U2SURP: variants seen among roughly 807,000 people sequenced by gnomAD.
U2SURP encodes U2 snRNP associated SURP domain containing.
In U2SURP, 9 loss-of-function variants were observed where a neutral mutation model predicts 144.9. That is an observed-to-expected ratio of 0.06 (90% CI 0.04 to 0.11). The LOEUF (loss-of-function observed/expected upper bound fraction) is 0.11, where lower values mean the gene tolerates loss of function less well. Ranked by LOEUF, U2SURP falls within the 10% of genes least tolerant of loss-of-function variation. The probability of loss-of-function intolerance (pLI) is 1.00; values close to 1 mark genes in which losing one functional copy is unlikely to be tolerated. For missense variants in U2SURP, 724 were observed against 1,226.7 expected, an observed-to-expected ratio of 0.59 and a Z score of 6.12; for synonymous variants, 408 against 396.8, an observed-to-expected ratio of 1.03 and a Z score of -0.33.
chr3:143,039,037 A>T, intron 23 of U2SURP, 77 bp downstream of exon 23: 1 of 1,061,110 alleles, frequency 9.4e-7, no homozygotes, highest in Non-Finnish European at 1.3e-6. Context: ...TAGTTGAAAT[A>T]ATAGTGAAGT....
rs1171287198 is a variant in U2SURP at position 143,056,700 on chromosome 3, A to G, written c.*250A>G. 2 of 386,752 alleles carry G rather than the reference A, an allele frequency of 5.2e-6. No homozygotes were observed. The highest frequency in any genetic ancestry group is 4.0e-5 in the African/African-American group (2 of 49,800). 24.0% of individuals were successfully genotyped at this position (386,752 alleles called of 1,614,324 possible). A position where few individuals can be genotyped will look rare whatever the true frequency, so the allele number is the denominator to read the frequency against. On this transcript the variant is annotated 3_prime_UTR_variant, in exon 28 of 28. Coordinates refer to ENST00000473835, the MANE Select transcript of U2SURP (RefSeq NM_001080415.2). Reference sequence around the variant, plus strand: ...TTATTGTTCTAATGGATTTCATCAGAAATGTGTATAATGGATCTGCTGACA... The same window carrying G: ...TTATTGTTCTAATGGATTTCATCAGGAATGTGTATAATGGATCTGCTGACA...
intron 24 of U2SURP, among the ~76,000 whole-genome samples, chr3:143,045,065 T>A (rs1477452693): frequency 1.3e-5 from 2 of 152,160 alleles, no homozygotes; most frequent in Non-Finnish European, 2.9e-5. Flanking sequence ...TTTACTCCTC[T>A]CACCTTATAA....
At chr3:143,027,462 C>T (rs77233342) in intron 14 of U2SURP, among the ~76,000 whole-genome samples, 2,999 of 152,228 alleles carry the variant, frequency 0.02, 101 homozygotes, top group African/African-American at 0.068. Context: ...CCGTTAGCCC[C>T]GGCAACTGCC....
chr3:143,018,288 GTA>G (rs1245998522), intron 6 of U2SURP, among the ~76,000 whole-genome samples: 1 of 151,600 alleles, frequency 6.6e-6, no homozygotes, highest in Non-Finnish European at 1.5e-5. Flanking sequence ...TTTATGGATG[GTA>G]TTATATAACG....
chr3:143,054,939 A>G lies in U2SURP; in HGVS notation c.2775-4A>G. 2 of 1,586,348 alleles carry G rather than the reference A, an allele frequency of 1.3e-6. No individual in the cohort carries two copies. The highest frequency in any genetic ancestry group is 1.4e-5 in the African/African-American group (1 of 73,588). ...TGGAATGTTTTGGGGGCTTTGTTCC[A>G]TAGGAAGAGGCGACACAGTACATCC... On this transcript the variant is annotated splice_polypyrimidine_tract_variant and splice_region_variant and intron_variant, in intron 26 of 27. Coordinates refer to ENST00000473835, the MANE Select transcript of U2SURP (RefSeq NM_001080415.2).
At chr3:143,051,515 T>C (rs1339766441) in intron 25 of U2SURP, among the ~76,000 whole-genome samples, 1 of 150,686 alleles carries the variant, frequency 6.6e-6, no homozygotes, top group African/African-American at 2.5e-5. Flanking sequence ...TGAGGGACTT[T>C]ATATTCTCGT....
rs1935252119 is a variant in U2SURP at position 143,058,570 on chromosome 3, A to G, written c.*2120A>G. On this transcript the variant is annotated 3_prime_UTR_variant, in exon 28 of 28. Transcript: ENST00000473835. ...TAATGTACATATTAGATTGTATTGG[A>G]TTTTTTTTTCTTGAATTGCAAATGG... The G allele has an allele frequency of 6.6e-6, 1 of 150,850 alleles. No homozygotes were observed. Among genetic ancestry groups the G allele is most frequent in the South Asian group, 2.1e-4 (1 of 4,796 alleles). 9.3% of individuals were successfully genotyped at this position (150,850 alleles called of 1,614,324 possible).
chr3:143,053,562 C>A, intron 25 of U2SURP, 114 bp from the exon 26 acceptor site: 2 of 775,174 alleles, frequency 2.6e-6, no homozygotes, highest in Non-Finnish European at 3.9e-6. Flanking sequence ...AGTATTGTAC[C>A]TTAAGTAGTA....
chr3:143,058,413 T>C lies in U2SURP; in HGVS notation c.*1963T>C, dbSNP rs1449838804. 1.3e-5 allele frequency: 2 copies of C among 151,922 alleles called. No individual in the cohort carries two copies. Among genetic ancestry groups the C allele is most frequent in the Admixed American group, 6.6e-5 (1 of 15,228 alleles). 9.4% of individuals were successfully genotyped at this position (151,922 alleles called of 1,614,324 possible). A position where few individuals can be genotyped will look rare whatever the true frequency, so the allele number is the denominator to read the frequency against. ...ATATTTTTCCTACTACATTGGAGTTTAGCAGTTCTTTTTTTCTGGATCCAG... is the reference window on the plus strand; with the variant it reads ...ATATTTTTCCTACTACATTGGAGTTCAGCAGTTCTTTTTTTCTGGATCCAG... On this transcript the variant is annotated 3_prime_UTR_variant, in exon 28 of 28. Coordinates refer to ENST00000473835, the MANE Select transcript of U2SURP (RefSeq NM_001080415.2).
chr3:143,020,057 A>G, intron 7 of U2SURP, 21 bp downstream of exon 7: 1 of 1,416,806 alleles, frequency 7.1e-7, no homozygotes, highest in Non-Finnish European at 9.5e-7. Flanking sequence ...TAGTGTGGAG[A>G]ATAACTATCA....
intron 6 of U2SURP, among the ~76,000 whole-genome samples, chr3:143,018,829 G>T (rs1936502455): frequency 6.6e-6 from 1 of 152,150 alleles, no homozygotes; most frequent in Admixed American, 6.5e-5. Context: ...GGAGGCTGAG[G>T]CAGGAGAATC....
chr3:143,026,042 G>A (rs578035624), intron 13 of U2SURP: 3 of 152,246 alleles, frequency 2.0e-5, no homozygotes, highest in African/African-American at 7.2e-5. Flanking sequence ...TTTGTACCAA[G>A]AGCCAATATC....
At position 143,022,911 on chromosome 3, in the gene U2SURP, T is replaced by G. The variant is rs1254468410; in HGVS notation, c.1077T>G (p.Pro359=). 1.2e-6 allele frequency: 2 copies of G among 1,612,210 alleles called. No individual in the cohort carries two copies. The highest frequency in any genetic ancestry group is 1.7e-6 in the Non-Finnish European group (2 of 1,179,302). ...KLGWGKAVPI[P]PHPIYIPPSM... ...GTTGGGGTAAAGCTGTACCTATTCCTCCACATCCAATATACATTCCGCCTT... is the reference window on the plus strand; with the variant it reads ...GTTGGGGTAAAGCTGTACCTATTCCGCCACATCCAATATACATTCCGCCTT... Residue 359 remains proline, a synonymous_variant, in exon 12 of 28, where the codon CCT becomes CCG. Transcript: ENST00000473835.
intron 17 of U2SURP, 132 bp from the exon 18 acceptor site, chr3:143,033,139 T>G (rs16852910): frequency 0.019 from 16,049 of 825,322 alleles, 267 homozygotes; most frequent in African/African-American, 0.064. Flanking sequence ...TTAACAAATT[T>G]CATCTCTGCC....
rs1933202546 is a variant in U2SURP, at chr3:143,027,176, G to A, written c.1302G>A (p.Met434Ile). 1 of 1,612,766 alleles carries A rather than the reference G, an allele frequency of 6.2e-7. No homozygotes were observed. The highest frequency in any genetic ancestry group is 1.3e-5 in the African/African-American group (1 of 74,860). The part of the protein sequence containing the change: ...ERNLLALIHR[M>I]IEFVVREGPM... ...ATTTGCTCGCCCTGATACATCGAAT[G>A]ATAGAGTTTGTTGTACGTGAAGGGC... is the stretch of plus-strand genomic sequence containing the variant. Residue 434 changes from methionine (M) to isoleucine (I), a missense_variant, in exon 14 of 28, where the codon ATG (methionine) becomes ATA (isoleucine). Coordinates refer to ENST00000473835, the MANE Select transcript of U2SURP (RefSeq NM_001080415.2).
intron 16 of U2SURP, among the ~76,000 whole-genome samples, chr3:143,031,834 TG>T (rs1933518139): frequency 6.6e-6 from 1 of 152,212 alleles, no homozygotes; most frequent in African/African-American, 2.4e-5. Flanking sequence ...CATTTGGCAA[TG>T]GAGTGTGATA....
chr3:143,028,310 T>C (rs1933273540), intron 14 of U2SURP, 30 bp from the exon 15 acceptor site: 1 of 1,585,272 alleles, frequency 6.3e-7, no homozygotes, highest in Non-Finnish European at 8.6e-7. Flanking sequence ...TTAAAGAATA[T>C]GATGTTTAAT....
Position 143,056,543 on chromosome 3 carries a change from A to G in U2SURP, c.*93A>G. 1 of 1,485,464 alleles carries G rather than the reference A, an allele frequency of 6.7e-7. No individual in the cohort carries two copies. Among genetic ancestry groups the G allele is most frequent in the South Asian group, 1.3e-5 (1 of 74,272 alleles). The allele number at this position is 1,485,464 out of a possible 1,614,324, so 92.0% of individuals were successfully genotyped here. A position where few individuals can be genotyped will look rare whatever the true frequency, so the allele number is the denominator to read the frequency against. ...TTAAAAAAACAAAAAATCAAATGAA[A>G]GAGCATTCCTGGGGTTTTTTGTTTG... On this transcript the variant is annotated 3_prime_UTR_variant, in exon 28 of 28. Coordinates refer to ENST00000473835, the MANE Select transcript of U2SURP (RefSeq NM_001080415.2).
Position 143,022,547 on chromosome 3 carries a change from C to T in U2SURP, c.903C>T (p.Ala301=). 1.9e-6 allele frequency: 3 copies of T among 1,610,030 alleles called. No individual in the cohort carries two copies. The highest frequency in any genetic ancestry group is 2.5e-6 in the Non-Finnish European group (3 of 1,177,790). ...AATTTGGAAGATTTGGACCGTTAGC[C>T]AGTGTGAAAATCATGTGGCCTAGAA... ...CQEFGRFGPL[A]SVKIMWPRTD... The change falls in exon 11 of 28, where the codon GCC becomes GCT. Residue 301 remains alanine (A), a synonymous_variant. Coordinates refer to ENST00000473835, the MANE Select transcript of U2SURP (RefSeq NM_001080415.2).
Sources: allele counts gnomAD v4.1 joint callset (sites outside exome capture counted in the v4.1 genomes callset), GRCh38; gene constraint gnomAD v4.1.1; transcripts MANE v1.5; gene names NCBI Gene and HGNC (gene_info 2026-07-23, HGNC 2026-07-21).